The following DIAPH3 variants were observed in gnomAD, a reference collection of about 807,000 sequenced individuals.
DIAPH3 encodes diaphanous related formin 3, also known as protein diaphanous homolog 3.
DIAPH3 carries 117 observed loss-of-function variants against 144.3 expected under a neutral mutation model. That is an observed-to-expected ratio of 0.81 (90% CI 0.70 to 0.95). The LOEUF is 0.95. Ranked by LOEUF, DIAPH3 falls within the 40% of genes least tolerant of loss-of-function variation. The pLI, the probability that DIAPH3 is intolerant of heterozygous loss-of-function variation, is 0.00. For synonymous variants in DIAPH3, 519 were observed against 488.9 expected (o/e 1.06, Z -0.81); for missense variants, 1,421 against 1,412.7 (o/e 1.01, Z -0.09).
chr13:59,873,677 CTTTTTTTTT>C (rs57461813), intron 21 of DIAPH3, among the ~76,000 whole-genome samples: 1 of 128,914 alleles, frequency 7.8e-6, no homozygotes, highest in African/African-American at 2.9e-5. Flanking sequence ...ACCACTTTTT[CTTTTTTTTT>C]TTTTTTTTTC....
At chr13:60,002,449 G>A (rs1468601798) in intron 9 of DIAPH3, among the ~76,000 whole-genome samples, 4 of 152,198 alleles carry the variant, frequency 2.6e-5, no homozygotes, top group African/African-American at 9.6e-5. Context: ...CACTATGAGT[G>A]TCACAATATG....
chr13:59,795,445 TTC>T (rs1225546793), intron 25 of DIAPH3, among the ~76,000 whole-genome samples: 2 of 150,920 alleles, frequency 1.3e-5, no homozygotes, highest in African/African-American at 2.4e-5. Context: ...AGGTATATCA[TTC>T]TCTCTCTCTT....
At chr13:60,066,825 C>A (rs1394672611) in intron 4 of DIAPH3, among the ~76,000 whole-genome samples, 2 of 152,170 alleles carry the variant, frequency 1.3e-5, no homozygotes, top group Non-Finnish European at 2.9e-5. Context: ...AGCTTACATT[C>A]ATTTTAGATT....
rs1180910935 is a variant in DIAPH3 at position 59,778,720 on chromosome 13, T to C, written c.3164-3897A>G. Among the ~76,000 whole-genome samples, 6 of 152,352 alleles carry C rather than the reference T, an allele frequency of 3.9e-5. No homozygotes were observed. The South Asian group carries it at 1.2e-3, about 32-fold the overall frequency. On this transcript the variant is annotated intron_variant, in intron 25 of 27. Transcript: ENST00000400324. ...GTTCCTTTTCTAACTACACTTTATG[T>C]TGGTATTACAGAACTGAATTATTTT...
chr13:59,963,386 C>T (rs182080549), intron 17 of DIAPH3, among the ~76,000 whole-genome samples: 3 of 152,070 alleles, frequency 2.0e-5, no homozygotes, highest in Admixed American at 1.3e-4. Context: ...TAAGAATATA[C>T]TATACTGTTT....
chr13:59,921,485 A>C (rs2047517891), intron 18 of DIAPH3, among the ~76,000 whole-genome samples: 2 of 151,950 alleles, frequency 1.3e-5, no homozygotes, highest in Middle Eastern at 3.4e-3. Context: ...CTAGAAAAAA[A>C]ATGGATAAAA....
In DIAPH3 at chr13:60,010,649, C is replaced by T. The variant is rs201731537; in HGVS notation, c.792G>A (p.Met264Ile). ...ATAAGGAAAGGCTCCTCTCCTCACT[C>T]ATAATTCTTTCCAAGCCATACTATA... The part of the protein sequence containing the change: ...MNTQYGLERI[M>I]SEERSLSLLA... The change falls in exon 8 of 28, where the codon ATG becomes ATA. Residue 264 changes from methionine to isoleucine, a missense_variant. Transcript: ENST00000400324. 3.7e-6 allele frequency: 6 copies of T among 1,613,406 alleles called. No individual in the cohort carries two copies. Among genetic ancestry groups the T allele is most frequent in the Non-Finnish European group, 5.1e-6 (6 of 1,179,720 alleles).
At chr13:59,963,520 T>A (rs1465043849) in intron 17 of DIAPH3, among the ~76,000 whole-genome samples, 2 of 152,102 alleles carry the variant, frequency 1.3e-5, no homozygotes, top group Non-Finnish European at 1.5e-5. Context: ...TGTATCTACT[T>A]CTGACTCTCC....
chr13:60,053,873 T>C (rs923888956), intron 4 of DIAPH3, among the ~76,000 whole-genome samples: 1 of 151,918 alleles, frequency 6.6e-6, no homozygotes, highest in African/African-American at 2.4e-5. Flanking sequence ...AAATCTGATA[T>C]ATCTACACAC....
chr13:59,917,706 T>A (rs1023928097), intron 18 of DIAPH3, among the ~76,000 whole-genome samples: 6 of 151,310 alleles, frequency 4.0e-5, no homozygotes, highest in Non-Finnish European at 8.8e-5. Context: ...TTAACTAACA[T>A]GGGGAAACTC....
At chr13:60,040,463 C>T (rs1365275089) in intron 5 of DIAPH3, among the ~76,000 whole-genome samples, 1 of 152,060 alleles carries the variant, frequency 6.6e-6, no homozygotes, top group Non-Finnish European at 1.5e-5. Context: ...GAACAAGACA[C>T]AGCATAATTT....
chr13:60,130,481 T>C (rs2059111078), intron 2 of DIAPH3, among the ~76,000 whole-genome samples: 1 of 152,038 alleles, frequency 6.6e-6, no homozygotes, highest in Non-Finnish European at 1.5e-5. Flanking sequence ...GGCAAGGCAA[T>C]CCAGGCAAGC....
At chr13:60,113,394 A>G (rs2058621299) in intron 2 of DIAPH3, among the ~76,000 whole-genome samples, 1 of 152,208 alleles carries the variant, frequency 6.6e-6, no homozygotes, top group Non-Finnish European at 1.5e-5. Flanking sequence ...CACTAAAGAA[A>G]TAGGATTTCT....
At chr13:60,036,624 T>G (rs748992855) in intron 5 of DIAPH3, among the ~76,000 whole-genome samples, 70 of 152,004 alleles carry the variant, frequency 4.6e-4, no homozygotes, top group Non-Finnish European at 8.5e-4. Context: ...AATAAAACCT[T>G]TACTCCACCT....
Position 59,936,876 on chromosome 13 carries a change from T to C in DIAPH3, c.2075-12006A>G, listed in dbSNP as rs148187253. Among the ~76,000 whole-genome samples the C allele has an allele frequency of 3.4e-3, 515 of 152,208 alleles. 3 individuals are homozygous for C. The highest frequency in any genetic ancestry group is 0.012 in the African/African-American group (491 of 41,538). On this transcript the variant is annotated intron_variant, in intron 17 of 27. Coordinates refer to ENST00000400324, the MANE Select transcript of DIAPH3 (RefSeq NM_001042517.2). ...TACATGTATATTCATAAAAATTAAT[T>C]TGTCCAGCTGGGCACGGTGGCTCAC... is the stretch of plus-strand genomic sequence containing the variant.
At chr13:59,802,507 T>A (rs1284424850) in intron 25 of DIAPH3, among the ~76,000 whole-genome samples, 1 of 149,514 alleles carries the variant, frequency 6.7e-6, no homozygotes, top group Non-Finnish European at 1.5e-5. Context: ...TCATTATTTT[T>A]CAACACAGAC....
intron 1 of DIAPH3, among the ~76,000 whole-genome samples, chr13:60,141,473 C>T (rs2059424318): frequency 6.6e-6 from 1 of 152,082 alleles, no homozygotes; most frequent in Non-Finnish European, 1.5e-5. Context: ...GGAAGAAAAG[C>T]GGAGTCTCCA....
intron 27 of DIAPH3, among the ~76,000 whole-genome samples, chr13:59,684,064 A>G (rs1472963148): frequency 6.6e-6 from 1 of 152,004 alleles, no homozygotes; most frequent in East Asian, 1.9e-4. Flanking sequence ...AAAAAAAAAA[A>G]CAAGGCCAAG....
intron 1 of DIAPH3, among the ~76,000 whole-genome samples, chr13:60,157,343 T>G (rs1328143416): frequency 6.6e-6 from 1 of 152,210 alleles, no homozygotes; most frequent in Admixed American, 6.5e-5. Context: ...AAAATAAGCA[T>G]CACATCCTGA....
Sources: gnomAD v4.1 joint callset for allele counts (sites outside exome capture counted in the v4.1 genomes callset) on GRCh38, gnomAD v4.1.1 for gene constraint, MANE v1.5 for transcripts, NCBI Gene and HGNC (gene_info 2026-07-23, HGNC 2026-07-21) for gene names.